Variants in ZIM2 observed in about 807,000 individuals in gnomAD.
ZIM2 encodes zinc finger protein 656.
A neutral mutation model predicts 38.6 loss-of-function variants in ZIM2; 14 were observed. The ratio of observed to expected loss-of-function variants is 0.36; its 90% CI spans 0.24 to 0.57. The LOEUF (loss-of-function observed/expected upper bound fraction) is 0.57. Among genes scored for constraint, ZIM2 ranks in the 20% least tolerant of loss-of-function variants. ZIM2 has a pLI of 0.81. For missense variants in ZIM2, 680 were observed against 695.1 expected (o/e 0.98, Z 0.24); for synonymous variants, 247 against 245.8 (o/e 1.00, Z -0.04).
intron 9 of ZIM2, chr19:56,813,001 A>G (rs1043462636): frequency 3.0e-6 from 3 of 985,502 alleles, no homozygotes; most frequent in East Asian, 2.3e-4. Context: ...GAAAGAAGCT[A>G]AAGTACTTAT....
chr19:56,803,274 C>T (rs937974602), intron 9 of ZIM2, among the ~76,000 whole-genome samples: 1 of 152,196 alleles, frequency 6.6e-6, no homozygotes, highest in Non-Finnish European at 1.5e-5. Flanking sequence ...GGTTACCTAT[C>T]TCACAACTGC....
At chr19:56,795,488 C>T (rs1330064785) in intron 9 of ZIM2, among the ~76,000 whole-genome samples, 1 of 152,246 alleles carries the variant, frequency 6.6e-6, no homozygotes, top group Non-Finnish European at 1.5e-5. Context: ...ACGCCCTGGC[C>T]TGGCTGAACG....
intron 2 of ZIM2, among the ~76,000 whole-genome samples, chr19:56,832,427 T>C (rs552100488): frequency 4.7e-4 from 72 of 152,326 alleles, no homozygotes; most frequent in African/African-American, 1.7e-3. Context: ...CCTCACTTCA[T>C]TGACAGCTGT....
intron 3 of ZIM2, 102 bp from the exon 4 acceptor site, chr19:56,824,529 CAG>C (rs745867180): frequency 5.6e-6 from 9 of 1,614,042 alleles, no homozygotes; most frequent in South Asian, 4.4e-5. Flanking sequence ...TGAAAAAACT[CAG>C]AGTCAGTTGG....
At chr19:56,817,013 C>G (rs766819952) in intron 9 of ZIM2, 3 of 1,613,982 alleles carry the variant, frequency 1.9e-6, no homozygotes, top group South Asian at 1.1e-5. Flanking sequence ...TAGAGGTTCT[C>G]TCTAGTATGC....
At chr19:56,834,291 G>C (rs1339193969) in intron 2 of ZIM2, among the ~76,000 whole-genome samples, 1 of 152,130 alleles carries the variant, frequency 6.6e-6, no homozygotes, top group African/African-American at 2.4e-5. Flanking sequence ...TGTTAGATAA[G>C]GGGCTTCCGA....
At chr19:56,779,167 G>C (rs1160048642) in intron 12 of ZIM2, among the ~76,000 whole-genome samples, 1 of 152,050 alleles carries the variant, frequency 6.6e-6, no homozygotes, top group Admixed American at 6.6e-5. Flanking sequence ...GGAACACGAG[G>C]GTGAAAGGAC....
rs765779144 is a variant in ZIM2 at position 56,817,139 on chromosome 19, T to C, written c.490+607A>G. On this transcript the variant is annotated intron_variant, in intron 9 of 12. Transcript: ENST00000629319. ...TGTGACTCGGTAAAGGAGGGGGAGC[T>C]GAGGCTGCTCAGGCTGCTCACGCTC... is the stretch of plus-strand genomic sequence containing the variant. 9.3e-6 allele frequency: 15 copies of C among 1,614,086 alleles called. No individual in the cohort carries two copies. In the East Asian group the frequency reaches 2.2e-4, roughly 24 times the overall value.
At position 56,814,701 on chromosome 19, in the gene ZIM2, A is replaced by G. The variant is rs1435434393; in HGVS notation, c.490+3045T>C. On this transcript the variant is annotated intron_variant, in intron 9 of 12. Transcript: ENST00000629319. The surrounding 1 kb of genome is among the most constrained non-coding windows in gnomAD (Gnocchi z 5.8). Reference sequence around the variant, plus strand: ...TCTGCTCCAGTAAATCATCTTCCCTATGAAGTCTCATATGCTCATTAAGGG... The same window carrying G: ...TCTGCTCCAGTAAATCATCTTCCCTGTGAAGTCTCATATGCTCATTAAGGG... 5 of 1,613,894 alleles carry G rather than the reference A, an allele frequency of 3.1e-6. No homozygotes were observed. The highest frequency in any genetic ancestry group is 4.2e-6 in the Non-Finnish European group (5 of 1,179,972).
At chr19:56,820,461 C>A (rs1036540174) in intron 7 of ZIM2, among the ~76,000 whole-genome samples, 2 of 152,198 alleles carry the variant, frequency 1.3e-5, no homozygotes, top group African/African-American at 2.4e-5. Context: ...CAAAGCCCAA[C>A]TACCAAGACA....
intron 4 of ZIM2, 99 bp from the exon 5 acceptor site, chr19:56,823,778 T>A: frequency 7.4e-7 from 1 of 1,356,708 alleles, no homozygotes; most frequent in East Asian, 2.3e-5. Flanking sequence ...CAGACACACA[T>A]GGTTGGAATG....
At chr19:56,810,834 A>G (rs1298136381) in intron 9 of ZIM2, 2 of 970,182 alleles carry the variant, frequency 2.1e-6, no homozygotes, top group African/African-American at 3.5e-5. Context: ...ATTTTTTAAA[A>G]TAATTTACTT....
intron 10 of ZIM2, among the ~76,000 whole-genome samples, chr19:56,784,380 T>C (rs1225201440): frequency 6.6e-6 from 1 of 152,314 alleles, no homozygotes; most frequent in East Asian, 1.9e-4. Flanking sequence ...TAAAAAAAGA[T>C]TGTTAAAAGA....
intron 7 of ZIM2, among the ~76,000 whole-genome samples, chr19:56,819,311 A>G (rs1472092809): frequency 4.6e-5 from 7 of 152,228 alleles, no homozygotes; most frequent in Admixed American, 4.6e-4. Context: ...ACAATTTCCA[A>G]ATCACCCAGG....
intron 9 of ZIM2, among the ~76,000 whole-genome samples, chr19:56,809,538 A>C (rs1280748805): frequency 1.3e-5 from 2 of 152,136 alleles, no homozygotes; most frequent in Non-Finnish European, 2.9e-5. Flanking sequence ...ATGTTTAAAA[A>C]TTACTCTCAG....
At chr19:56,825,383 T>C (rs1456782925) in intron 3 of ZIM2, among the ~76,000 whole-genome samples, 3 of 152,266 alleles carry the variant, frequency 2.0e-5, no homozygotes, top group Non-Finnish European at 2.9e-5. Flanking sequence ...GCACGTTCTT[T>C]TGCCTTCATC....
chr19:56,786,176 GTGTA>G (rs2046592478), intron 10 of ZIM2, among the ~76,000 whole-genome samples: 1 of 152,118 alleles, frequency 6.6e-6, no homozygotes, highest in African/African-American at 2.4e-5. Flanking sequence ...CAAATATACT[GTGTA>G]TGTACTGTAT....
intron 2 of ZIM2, among the ~76,000 whole-genome samples, chr19:56,829,343 CAA>C (rs35948458): frequency 1.2e-4 from 10 of 86,606 alleles, no homozygotes; most frequent in Non-Finnish European, 9.2e-5. Context: ...GACTCCATCT[CAA>C]AAAAAAAAAA....
rs1420437175 is a variant in ZIM2, at chr19:56,789,857, G to A, written c.570+15C>T. 1.3e-6 allele frequency: 2 copies of A among 1,539,702 alleles called. No individual in the cohort carries two copies. The highest frequency in any genetic ancestry group is 8.8e-7 in the Non-Finnish European group (1 of 1,130,580). The stretch of plus-strand genomic sequence containing the variant: ...CCCATATTTGATAACCATGTCAGAG[G>A]AAAGCCTGACTCACCTGGGACCCAG... On this transcript the variant is annotated intron_variant, in intron 10 of 12. Transcript: ENST00000629319.
Sources: gnomAD v4.1 joint callset for allele counts (sites outside exome capture counted in the v4.1 genomes callset) on GRCh38, gnomAD v4.1.1 for gene constraint, Gnocchi (gnomAD v3.1) non-coding constraint, MANE v1.5 for transcripts, NCBI Gene and HGNC (gene_info 2026-07-23, HGNC 2026-07-21) for gene names.